Variants in NPAS3 observed in about 807,000 individuals in gnomAD.
NPAS3 encodes neuronal PAS domain protein 3.
In NPAS3, 14 loss-of-function variants were observed where a neutral mutation model predicts 73.1. The ratio of observed to expected loss-of-function variants is 0.19; its 90% CI spans 0.13 to 0.30. The LOEUF (loss-of-function observed/expected upper bound fraction) is 0.30. Ranked by LOEUF, NPAS3 falls within the 10% of genes least tolerant of loss-of-function variation. The pLI is 1.00. For missense variants in NPAS3, 1,096 were observed against 1,250.0 expected (o/e 0.88, Z 1.86); for synonymous variants, 620 against 541.5 (o/e 1.14, Z -2.01).
At chr14:33,676,665 G>A (rs1404892139) in intron 6 of NPAS3, among the ~76,000 whole-genome samples, 2 of 152,176 alleles carry the variant, frequency 1.3e-5, no homozygotes, top group Non-Finnish European at 2.9e-5. Flanking sequence ...AACAGCTTCC[G>A]ATTTGGAATA....
intron 2 of NPAS3, among the ~76,000 whole-genome samples, chr14:33,199,890 C>T (rs34880573): frequency 0.23 from 34,836 of 151,964 alleles, 5,009 homozygotes; most frequent in Non-Finnish European, 0.33. Flanking sequence ...AATCATCTTT[C>T]AACACGTACT....
chr14:33,409,853 C>T, intron 4 of NPAS3, among the ~76,000 whole-genome samples: 1 of 152,138 alleles, frequency 6.6e-6, no homozygotes, highest in Admixed American at 6.5e-5. Flanking sequence ...AAAAACCCAG[C>T]ATAGCAGAAA....
At chr14:33,440,974 T>G (rs562157412) in intron 4 of NPAS3, among the ~76,000 whole-genome samples, 28 of 152,298 alleles carry the variant, frequency 1.8e-4, no homozygotes, top group African/African-American at 6.7e-4. Flanking sequence ...TAAGAATGTT[T>G]TCCTAGTGTG....
chr14:33,213,113 T>C (rs940275932), intron 2 of NPAS3, among the ~76,000 whole-genome samples: 39 of 152,214 alleles, frequency 2.6e-4, no homozygotes, highest in African/African-American at 9.4e-4. Context: ...TTGGCCAGAG[T>C]TGTCCTTCAG....
At chr14:33,185,066 A>G (rs979094438) in intron 2 of NPAS3, among the ~76,000 whole-genome samples, 4 of 152,196 alleles carry the variant, frequency 2.6e-5, no homozygotes, top group Admixed American at 6.5e-5. Flanking sequence ...GGGTGATCCA[A>G]TCCTCTCCAC....
intron 5 of NPAS3, among the ~76,000 whole-genome samples, chr14:33,564,183 A>C (rs1050970374): frequency 6.6e-6 from 1 of 152,176 alleles, no homozygotes; most frequent in Non-Finnish European, 1.5e-5. Flanking sequence ...TCATAAAAAG[A>C]CCATTTATTA....
chr14:33,180,558 G>A (rs919130459), intron 2 of NPAS3, among the ~76,000 whole-genome samples: 1 of 152,062 alleles, frequency 6.6e-6, no homozygotes, highest in African/African-American at 2.4e-5. Context: ...CCAGCACTTT[G>A]GGAGGCCGAG....
intron 2 of NPAS3, among the ~76,000 whole-genome samples, chr14:33,066,176 C>A (rs1482005969): frequency 3.3e-5 from 5 of 152,122 alleles, no homozygotes; most frequent in Non-Finnish European, 7.3e-5. Flanking sequence ...GGCTTCTCAT[C>A]CCCTGGAGAA....
chr14:33,144,574 C>T (rs566209551), intron 2 of NPAS3, among the ~76,000 whole-genome samples: 36 of 152,146 alleles, frequency 2.4e-4, no homozygotes, highest in Non-Finnish European at 4.4e-4. Context: ...CAGAGTCTCC[C>T]TCTATCATCC....
chr14:33,246,257 C>G (rs2048369126), intron 3 of NPAS3, among the ~76,000 whole-genome samples: 1 of 152,032 alleles, frequency 6.6e-6, no homozygotes, highest in Non-Finnish European at 1.5e-5. Context: ...ACTAAGTGCT[C>G]GGCCAGGTGC....
At chr14:33,416,503 T>C (rs556860449) in intron 4 of NPAS3, among the ~76,000 whole-genome samples, 1 of 152,132 alleles carries the variant, frequency 6.6e-6, no homozygotes, top group Admixed American at 6.6e-5. Flanking sequence ...ATTTTTGTAA[T>C]AAAATACAGT....
At chr14:33,675,591 C>T (rs2059739069) in intron 5 of NPAS3, among the ~76,000 whole-genome samples, 1 of 152,172 alleles carries the variant, frequency 6.6e-6, no homozygotes. Context: ...GCTTCAGACC[C>T]CAGCTGACCT....
intron 7 of NPAS3, among the ~76,000 whole-genome samples, chr14:33,755,823 G>C (rs924434997): frequency 6.6e-6 from 1 of 152,074 alleles, no homozygotes; most frequent in Non-Finnish European, 1.5e-5. Flanking sequence ...GAGACATCAG[G>C]CTGCTTCCAC....
At chr14:33,119,535 C>T (rs2043166887) in intron 2 of NPAS3, among the ~76,000 whole-genome samples, 1 of 152,106 alleles carries the variant, frequency 6.6e-6, no homozygotes, top group Non-Finnish European at 1.5e-5. Flanking sequence ...TTGATTTGTA[C>T]TACACCAGAT....
At chr14:33,287,124 T>G (rs2041909289) in intron 3 of NPAS3, among the ~76,000 whole-genome samples, 1 of 152,094 alleles carries the variant, frequency 6.6e-6, no homozygotes, top group Non-Finnish European at 1.5e-5. Flanking sequence ...ACTTTTCCCG[T>G]TTGGAGTTAT....
rs1386048945 is a variant in NPAS3 at position 33,116,635 on chromosome 14, CTGG to C, written c.140+60645_140+60647del. Among the ~76,000 whole-genome samples, 10 of 152,158 alleles carry C rather than the reference CTGG, an allele frequency of 6.6e-5. No homozygotes were observed. The South Asian group carries it at 2.1e-3, about 32-fold the overall frequency. On this transcript the variant is annotated intron_variant, in intron 2 of 11. Coordinates refer to ENST00000356141, the Ensembl canonical transcript of NPAS3. Reference sequence around the variant, plus strand: ...TCAGAATTTTCCCACATGAATGTTACTGGTGGACGTGAATTTACTGCTTCTCCG... The same window carrying C: ...TCAGAATTTTCCCACATGAATGTTACTGGACGTGAATTTACTGCTTCTCCG...
intron 2 of NPAS3, among the ~76,000 whole-genome samples, chr14:33,113,734 C>T (rs1027101063): frequency 1.3e-5 from 2 of 152,178 alleles, no homozygotes; most frequent in African/African-American, 4.8e-5. Flanking sequence ...GAGGGCATCC[C>T]TGTCTTGTGC....
At chr14:32,940,868 A>G (rs2035961830) in intron 1 of NPAS3, among the ~76,000 whole-genome samples, 1 of 152,236 alleles carries the variant, frequency 6.6e-6, no homozygotes, top group African/African-American at 2.4e-5. Flanking sequence ...AAGTAGATAC[A>G]TAATTGACTA....
chr14:33,480,572 C>CCTCT (rs1207658046), intron 4 of NPAS3, among the ~76,000 whole-genome samples: 1 of 137,886 alleles, frequency 7.3e-6, no homozygotes, highest in Non-Finnish European at 1.6e-5. Context: ...TCCCTCCCTC[C>CCTCT]CTCTCTCTCT....
Sources: gnomAD v4.1 joint callset for allele counts (sites outside exome capture counted in the v4.1 genomes callset) on GRCh38, gnomAD v4.1.1 for gene constraint, MANE v1.5 for transcripts, NCBI Gene and HGNC (gene_info 2026-07-23, HGNC 2026-07-21) for gene names.